The following PPP1CC variants were observed in gnomAD, a reference collection of about 807,000 sequenced individuals.
PPP1CC encodes the protein serine/threonine-protein phosphatase PP1-gamma catalytic subunit.
PPP1CC carries 16 observed loss-of-function variants against 38.4 expected under a neutral mutation model. The observed-to-expected ratio is 0.42, with a 90% CI of 0.28 to 0.63. The LOEUF is 0.63. PPP1CC is among the 30% of genes least tolerant of loss of function. The pLI is 0.25. For missense variants in PPP1CC, 170 were observed against 391.3 expected (o/e 0.43, Z 4.77); for synonymous variants, 158 against 136.0 (o/e 1.16, Z -1.13).
downstream of PPP1CC, among the ~76,000 whole-genome samples, chr12:110,714,889 T>C (rs148152399): frequency 2.1e-3 from 320 of 150,994 alleles, 6 homozygotes; most frequent in African/African-American, 7.6e-3. Context: ...ACAGGACTCC[T>C]TGAGGGGCTT....
rs927454025 is a variant in PPP1CC at position 110,722,646 on chromosome 12, T to C, written c.573A>G (p.Arg191=). The C allele has an allele frequency of 1.9e-6, 3 of 1,613,918 alleles. No individual in the cohort carries two copies. The highest frequency in any genetic ancestry group is 2.2e-5 in the South Asian group (2 of 91,058). The change falls in exon 5 of 7, where the codon CGA becomes CGG. Residue 191 remains arginine, a synonymous_variant. Coordinates refer to ENST00000335007, the MANE Select transcript of PPP1CC (RefSeq NM_002710.4). The surrounding 1 kb of genome is among the most constrained non-coding windows in gnomAD (Gnocchi z 5.4). ...QSMEQIRRIM[R]PTDVPDQGLL... ...GACCTTGATCTGGTACATCAGTTGG[T>C]CGCATAATTCGCCGAATCTGCTCCA...
chr12:110,722,034 A>G lies in PPP1CC; in HGVS notation c.882+101T>C. 1.4e-6 allele frequency: 2 copies of G among 1,428,276 alleles called. No homozygotes were observed. Among genetic ancestry groups the G allele is most frequent in the Non-Finnish European group, 1.9e-6 (2 of 1,039,740 alleles). 88.5% of individuals were successfully genotyped at this position (1,428,276 alleles called of 1,614,324 possible). Reference sequence around the variant, plus strand: ...TTAAGGGAAAATAAAAACTTAGCCTACTCAGCATAAGTGAACACTAGGCAA... The same window carrying G: ...TTAAGGGAAAATAAAAACTTAGCCTGCTCAGCATAAGTGAACACTAGGCAA... On this transcript the variant is annotated intron_variant, in intron 6 of 6. Coordinates refer to ENST00000335007, the MANE Select transcript of PPP1CC (RefSeq NM_002710.4). This position sits in a 1 kb window ranked among gnomAD's most constrained non-coding sequence, Gnocchi z 5.4.
At chr12:110,727,783 A>T (rs1390364361) in intron 3 of PPP1CC, among the ~76,000 whole-genome samples, 1 of 152,166 alleles carries the variant, frequency 6.6e-6, no homozygotes, top group East Asian at 1.9e-4. Flanking sequence ...TTCAACCAAA[A>T]GCCACCTATG....
At chr12:110,714,741 G>T (rs986345293), downstream of PPP1CC, among the ~76,000 whole-genome samples, 1 of 140,194 alleles carries the variant, frequency 7.1e-6, no homozygotes, top group African/African-American at 2.7e-5. Flanking sequence ...GGGAGGTGGA[G>T]CTTGCAATGA....
downstream of PPP1CC, among the ~76,000 whole-genome samples, chr12:110,717,526 T>C (rs550955772): frequency 6.6e-6 from 1 of 152,302 alleles, no homozygotes; most frequent in Admixed American, 6.5e-5. Context: ...CCTGAGTAAC[T>C]GGGACTACAT....
chr12:110,733,242 C>T (rs2069901560), intron 1 of PPP1CC, among the ~76,000 whole-genome samples: 1 of 152,206 alleles, frequency 6.6e-6, no homozygotes, highest in African/African-American at 2.4e-5. Flanking sequence ...AAAACTTGGG[C>T]AGACTGCCCA....
In PPP1CC at chr12:110,720,198, G is replaced by T; in HGVS notation, c.*878C>A. On this transcript the variant is annotated 3_prime_UTR_variant, in exon 7 of 7. Transcript: ENST00000335007. ...TTTCTGAATGGACGGGTTCAGGCCT[G>T]ATGCAACTGTAAAAAGATTACTTAA... 6.5e-7 allele frequency: 1 copy of T among 1,550,150 alleles called. No homozygotes were observed. Among genetic ancestry groups the T allele is most frequent in the Non-Finnish European group, 8.7e-7 (1 of 1,153,186 alleles).
chr12:110,717,101 C>T (rs1162593720), downstream of PPP1CC, among the ~76,000 whole-genome samples: 1 of 152,148 alleles, frequency 6.6e-6, no homozygotes, highest in Non-Finnish European at 1.5e-5. Flanking sequence ...TGGTCTTATA[C>T]CAGGGCTGTT....
chr12:110,711,047 G>A, the PPP1CC span, among the ~76,000 whole-genome samples: 1 of 151,904 alleles, frequency 6.6e-6, no homozygotes, highest in East Asian at 1.9e-4. Flanking sequence ...ATGGTGGCAT[G>A]TGCCTGTAAT....
In PPP1CC at chr12:110,720,520, T is replaced by C; in HGVS notation, c.*556A>G. On this transcript the variant is annotated 3_prime_UTR_variant, in exon 7 of 7. Coordinates refer to ENST00000335007, the MANE Select transcript of PPP1CC (RefSeq NM_002710.4). ...TAAATATACATCATACCAGTGATGC[T>C]GGCAAGGTTGAAAGTTACTCCTAAT... is the stretch of plus-strand genomic sequence containing the variant. 1 of 271,034 alleles carries C rather than the reference T, an allele frequency of 3.7e-6. No homozygotes were observed. Among genetic ancestry groups the C allele is most frequent in the Non-Finnish European group, 7.0e-6 (1 of 143,080 alleles). 16.8% of individuals were successfully genotyped at this position (271,034 alleles called of 1,614,324 possible).
the PPP1CC span, among the ~76,000 whole-genome samples, chr12:110,708,850 C>CAAAAA: frequency 5.3e-4 from 34 of 64,650 alleles, no homozygotes; most frequent in East Asian, 1.1e-3. Context: ...GAGTCCATCT[C>CAAAAA]AAAAAAAAAA....
At chr12:110,716,632 G>C (rs2069690040), downstream of PPP1CC, among the ~76,000 whole-genome samples, 1 of 152,156 alleles carries the variant, frequency 6.6e-6, no homozygotes, top group Non-Finnish European at 1.5e-5. Flanking sequence ...GGAATTACAG[G>C]CATGAGCCAC....
intron 1 of PPP1CC, among the ~76,000 whole-genome samples, chr12:110,739,132 C>T (rs186661243): frequency 6.2e-4 from 95 of 152,164 alleles, no homozygotes; most frequent in African/African-American, 2.2e-3. Context: ...CCAGCCTGGC[C>T]TCATCTCTAC....
At chr12:110,718,536 A>G (rs1394445503), downstream of PPP1CC, among the ~76,000 whole-genome samples, 5 of 152,052 alleles carry the variant, frequency 3.3e-5, no homozygotes, top group Non-Finnish European at 7.3e-5. Context: ...TATCAGGTGC[A>G]AAGCAAAGCA....
Position 110,720,127 on chromosome 12 carries a change from T to C in PPP1CC, c.*949A>G. The C allele has an allele frequency of 3.2e-6, 5 of 1,546,668 alleles. No individual in the cohort carries two copies. The highest frequency in any genetic ancestry group is 4.3e-6 in the Non-Finnish European group (5 of 1,151,694). On this transcript the variant is annotated 3_prime_UTR_variant, in exon 7 of 7. Coordinates refer to ENST00000335007, the MANE Select transcript of PPP1CC (RefSeq NM_002710.4). ...TAAAGAATGTAGGCCAAAGAAAGCA[T>C]AATCGGTCACTCGTATAGAACAGTA...
At chr12:110,729,612 G>C (rs1244223397) in intron 3 of PPP1CC, among the ~76,000 whole-genome samples, 1 of 152,194 alleles carries the variant, frequency 6.6e-6, no homozygotes, top group African/African-American at 2.4e-5. Context: ...TCTTTGTTCA[G>C]CACATTTTAG....
intron 1 of PPP1CC, 105 bp downstream of exon 1, chr12:110,742,548 T>G: frequency 1.0e-6 from 1 of 982,978 alleles, no homozygotes; most frequent in Non-Finnish European, 1.4e-6. Flanking sequence ...CTCCCCACGG[T>G]GCTGCAAGCC....
intron 1 of PPP1CC, among the ~76,000 whole-genome samples, chr12:110,734,071 T>C (rs1375154306): frequency 2.0e-5 from 3 of 152,148 alleles, no homozygotes; most frequent in Non-Finnish European, 1.5e-5. Flanking sequence ...GCTTGCTGCA[T>C]GCTTTTTGAA....
At chr12:110,737,378 G>A (rs1271535832) in intron 1 of PPP1CC, among the ~76,000 whole-genome samples, 1 of 149,466 alleles carries the variant, frequency 6.7e-6, no homozygotes, top group East Asian at 2.0e-4. Flanking sequence ...CTCAACAACT[G>A]AGGCTGAGGC....
Sources: gnomAD v4.1 joint callset for allele counts (sites outside exome capture counted in the v4.1 genomes callset) on GRCh38, gnomAD v4.1.1 for gene constraint, Gnocchi (gnomAD v3.1) non-coding constraint, MANE v1.5 for transcripts, NCBI Gene and HGNC (gene_info 2026-07-23, HGNC 2026-07-21) for gene names.